POLR2B: variants seen among roughly 807,000 people sequenced by gnomAD.
The protein encoded by POLR2B is DNA-directed RNA polymerase II subunit RPB2.
POLR2B carries 57 observed loss-of-function variants against 144.6 expected under a neutral mutation model. The ratio of observed to expected loss-of-function variants is 0.39; its 90% CI spans 0.32 to 0.49. POLR2B has a LOEUF of 0.49. Among genes scored for constraint, POLR2B ranks in the 20% least tolerant of loss-of-function variants. The pLI, the probability that POLR2B is intolerant of heterozygous loss-of-function variation, is 0.83. For synonymous variants in POLR2B, 442 were observed against 469.8 expected (o/e 0.94, Z 0.77); for missense variants, 595 against 1,467.4 (o/e 0.41, Z 9.71).
At position 57,023,228 on chromosome 4, in the gene POLR2B, A is replaced by C; in HGVS notation, c.2516-102A>C. ...GGAATAAGGGTGTGATTCATGGTAT[A>C]GAGACTCCTGTGGCCTTCTCTCTGA... On this transcript the variant is annotated intron_variant, in intron 18 of 24. Transcript: ENST00000314595. This position sits in a 1 kb window ranked among gnomAD's most constrained non-coding sequence, Gnocchi z 4.3. 1.4e-5 allele frequency: 15 copies of C among 1,062,124 alleles called. No individual in the cohort carries two copies. Among genetic ancestry groups the C allele is most frequent in the Non-Finnish European group, 2.1e-5 (15 of 711,368 alleles). 65.8% of individuals were successfully genotyped at this position (1,062,124 alleles called of 1,614,324 possible).
In POLR2B at chr4:57,030,970, G is replaced by A. The variant is rs546899344; in HGVS notation, c.3507G>A (p.Pro1169=). The change falls in exon 25 of 25, where the codon CCG becomes CCA. Residue 1169 remains proline (P), a synonymous_variant. Transcript: ENST00000314595. ...FQELMSMSIA[P]RMMSV is the part of the protein sequence containing the mutation. The stretch of plus-strand genomic sequence containing the variant: ...AACTTATGTCTATGAGTATTGCACC[G>A]CGAATGATGAGTGTTTAGCTATTTT... The A allele has an allele frequency of 1.8e-5, 29 of 1,588,066 alleles. No individual in the cohort carries two copies. The highest frequency in any genetic ancestry group is 5.4e-5 in the African/African-American group (4 of 74,566).
At chr4:56,985,166 T>TA (rs1722278012) in intron 1 of POLR2B, 1 of 252,378 alleles carries the variant, frequency 4.0e-6, no homozygotes, top group Non-Finnish European at 6.3e-6. Flanking sequence ...GGCCTCTACT[T>TA]ATGGTTCGGG....
chr4:56,996,238 GTATGTATA>G (rs368663235), intron 6 of POLR2B, among the ~76,000 whole-genome samples: 8 of 106,910 alleles, frequency 7.5e-5, no homozygotes, highest in African/African-American at 1.0e-4. Flanking sequence ...GTGTGTGTGT[GTATGTATA>G]TGTGTGTGTG....
intron 24 of POLR2B, 41 bp from the exon 25 acceptor site, chr4:57,030,858 C>A: frequency 8.5e-7 from 1 of 1,180,854 alleles, no homozygotes; most frequent in Non-Finnish European, 1.3e-6. Context: ...GGGGTCACTT[C>A]AATACAATTC....
At chr4:57,026,661 C>G (rs906707088) in intron 23 of POLR2B, among the ~76,000 whole-genome samples, 3 of 151,578 alleles carry the variant, frequency 2.0e-5, no homozygotes, top group Non-Finnish European at 4.4e-5. Context: ...TACTCGGGAG[C>G]CTGAGGGAAG....
chr4:57,014,086 TCA>T (rs1379232222), intron 13 of POLR2B, among the ~76,000 whole-genome samples: 1 of 152,246 alleles, frequency 6.6e-6, no homozygotes, highest in Non-Finnish European at 1.5e-5. Flanking sequence ...ATATTTTTGC[TCA>T]CAGTGTTCCT....
At chr4:57,010,639 TAGAA>T (rs771751308) in intron 11 of POLR2B, 105 bp from the exon 12 acceptor site, 120 of 1,350,306 alleles carry the variant, frequency 8.9e-5, no homozygotes, top group Non-Finnish European at 1.2e-4. Flanking sequence ...ATTGTATTCT[TAGAA>T]AGTAAGAATA....
At chr4:57,007,031 C>T (rs755713236) in intron 10 of POLR2B, 29 bp downstream of exon 10, 1 of 1,434,340 alleles carries the variant, frequency 7.0e-7, no homozygotes, top group South Asian at 1.2e-5. Flanking sequence ...ACTACAGGCT[C>T]AATAGGAAAC....
At chr4:57,006,600 C>T (rs62310297) in intron 9 of POLR2B, among the ~76,000 whole-genome samples, 2,098 of 152,238 alleles carry the variant, frequency 0.014, 26 homozygotes, top group Non-Finnish European at 0.02. Flanking sequence ...CCACCATGCC[C>T]CACCTCTTTG....
chr4:57,018,353 C>T (rs1169058402), intron 16 of POLR2B, among the ~76,000 whole-genome samples: 1 of 152,064 alleles, frequency 6.6e-6, no homozygotes. Context: ...TGTGAAATGG[C>T]AAGGTCCTAA....
At chr4:56,999,539 T>C (rs1194657185) in intron 6 of POLR2B, 78 bp from the exon 7 acceptor site, 1 of 893,818 alleles carries the variant, frequency 1.1e-6, no homozygotes, top group East Asian at 2.6e-5. Flanking sequence ...TATATATATA[T>C]TAAATAGTTC....
intron 10 of POLR2B, 80 bp from the exon 11 acceptor site, chr4:57,010,281 T>C (rs1374471683): frequency 1.6e-6 from 2 of 1,244,926 alleles, no homozygotes; most frequent in Non-Finnish European, 2.3e-6. Context: ...AGATTATATG[T>C]AAAAATATGA....
At chr4:56,994,005 A>G (rs1392034641) in intron 3 of POLR2B, among the ~76,000 whole-genome samples, 1 of 152,196 alleles carries the variant, frequency 6.6e-6, no homozygotes, top group Non-Finnish European at 1.5e-5. Context: ...AGAGCACATG[A>G]TGTGTACAGT....
At chr4:56,999,837 A>C in intron 7 of POLR2B, 56 bp downstream of exon 7, 1 of 1,237,562 alleles carries the variant, frequency 8.1e-7, no homozygotes, top group Non-Finnish European at 1.2e-6. Flanking sequence ...AGAGTTACTG[A>C]TTGTTGCTAA....
intron 1 of POLR2B, chr4:56,985,367 C>G: frequency 1.0e-6 from 1 of 985,360 alleles, no homozygotes; most frequent in Non-Finnish European, 1.2e-6. Context: ...CGGTGGTAGC[C>G]GCGAGGGACG....
At chr4:57,005,791 C>A in intron 9 of POLR2B, 72 bp downstream of exon 9, 1 of 1,378,764 alleles carries the variant, frequency 7.3e-7, no homozygotes, top group Non-Finnish European at 1.0e-6. Flanking sequence ...TTGCATATGG[C>A]CAGGCTAAAC....
chr4:56,987,710 G>A (rs145255558), intron 2 of POLR2B, among the ~76,000 whole-genome samples: 101 of 152,130 alleles, frequency 6.6e-4, no homozygotes, highest in African/African-American at 2.3e-3. Flanking sequence ...GTGAAGCTCC[G>A]TCTTTACTAA....
Position 56,992,338 on chromosome 4 carries a change from A to G in POLR2B, c.243+1440A>G, listed in dbSNP as rs1405848931. ...AAATTAGCCGGGTGTGGTGCCAGGC[A>G]CCTGTAGTCCCAGCTACTAGGGAGG... On this transcript the variant is annotated intron_variant, in intron 3 of 24. Transcript: ENST00000314595. 1.7e-3 allele frequency among the ~76,000 whole-genome samples: 257 copies of G among 151,010 alleles called. 3 individuals are homozygous for G. In the East Asian group the frequency reaches 0.05, roughly 29 times the overall value.
At chr4:56,985,424 C>T (rs920364435) in intron 1 of POLR2B, 18 of 985,148 alleles carry the variant, frequency 1.8e-5, no homozygotes, top group Middle Eastern at 5.2e-4. Context: ...CACTCCCCCC[C>T]GCCGCCCCGT....
Sources: allele counts gnomAD v4.1 joint callset (sites outside exome capture counted in the v4.1 genomes callset), GRCh38; gene constraint gnomAD v4.1.1; non-coding constraint Gnocchi (gnomAD v3.1); transcripts MANE v1.5; gene names NCBI Gene and HGNC (gene_info 2026-07-23, HGNC 2026-07-21).